FAIM2: variants seen among roughly 807,000 people sequenced by gnomAD.
The protein encoded by FAIM2 is Fas apoptotic inhibitory molecule 2.
Under a neutral mutation model 47.4 loss-of-function variants are expected in FAIM2, and 27 were observed. The observed-to-expected ratio is 0.57, with a 90% CI of 0.42 to 0.78. The LOEUF (loss-of-function observed/expected upper bound fraction) is 0.78. Among genes scored for constraint, FAIM2 ranks in the 30% least tolerant of loss-of-function variants. FAIM2 has a pLI of 0.00. For synonymous variants in FAIM2, 156 were observed against 159.3 expected, an observed-to-expected ratio of 0.98 and a Z score of 0.16; for missense variants, 311 against 389.4, an observed-to-expected ratio of 0.80 and a Z score of 1.69.
chr12:49,889,200 G>T lies in FAIM2; in HGVS notation c.654C>A (p.Phe218Leu). 1 of 1,608,478 alleles carries T rather than the reference G, an allele frequency of 6.2e-7. No individual in the cohort carries two copies. The highest frequency in any genetic ancestry group is 1.3e-5 in the African/African-American group (1 of 74,978). Residue 218 changes from phenylalanine (F) to leucine (L), a missense_variant and splice_region_variant, in exon 10 of 12, where the codon TTC (phenylalanine) becomes TTA (leucine). Physicochemically the swap from Phe to Leu is conservative, Grantham distance 22. Transcript: ENST00000320634. ...GCACGCCCTGGCAGGAGGTGAAGTC[G>T]AACTGTGGGGACAGGATGGGGTTAG... ...SVTVFSFQTK[F>L]DFTSCQGVLF...
chr12:49,882,757 C>A (rs1946835027), intron 11 of FAIM2, among the ~76,000 whole-genome samples: 1 of 152,174 alleles, frequency 6.6e-6, no homozygotes, highest in Non-Finnish European at 1.5e-5. Context: ...CCCTGCCACA[C>A]CTCTTGGGGA....
At chr12:49,886,132 A>C (rs1946859472) in intron 11 of FAIM2, among the ~76,000 whole-genome samples, 1 of 152,198 alleles carries the variant, frequency 6.6e-6, no homozygotes, top group Admixed American at 6.5e-5. Flanking sequence ...TACTGCTTCC[A>C]TTGTCAATAA....
rs1221794317 is a variant in FAIM2, at chr12:49,887,442, G to T, written c.748-3C>A. 4.3e-6 allele frequency: 7 copies of T among 1,610,540 alleles called. No homozygotes were observed. The highest frequency in any genetic ancestry group is 5.1e-6 in the Non-Finnish European group (6 of 1,178,220). ...TAAACTGCATGGAGCCAGGGCACCT[G>T]CGGCAGAGGAAAAATGGGCTTAGGG... On this transcript the variant is annotated splice_region_variant and splice_polypyrimidine_tract_variant and intron_variant, in intron 10 of 11. Transcript: ENST00000320634.
Position 49,870,273 on chromosome 12 carries a change from G to A in FAIM2, c.*231C>T, listed in dbSNP as rs1161752569. The stretch of plus-strand genomic sequence containing the variant: ...CAGCCTTGACCGTCCCAGTTTGGAA[G>A]ATGTAACGGGCGAATGGGGCGGCAC... On this transcript the variant is annotated 3_prime_UTR_variant, in exon 12 of 12. Coordinates refer to ENST00000320634, the MANE Select transcript of FAIM2 (RefSeq NM_012306.4). The A allele has an allele frequency of 4.5e-6, 2 of 444,852 alleles. No individual in the cohort carries two copies. Among genetic ancestry groups the A allele is most frequent in the Non-Finnish European group, 8.1e-6 (2 of 246,968 alleles). The allele number at this position is 444,852 out of a possible 1,614,324, so 27.6% of individuals were successfully genotyped here. A position where few individuals can be genotyped will look rare whatever the true frequency, so the allele number is the denominator to read the frequency against.
intron 11 of FAIM2, among the ~76,000 whole-genome samples, chr12:49,880,724 A>ATGTGTG (rs767319926): frequency 1.3e-4 from 8 of 62,024 alleles, no homozygotes; most frequent in East Asian, 1.0e-3. Flanking sequence ...ATGCGTGTAT[A>ATGTGTG]TGTGTGTGTG....
intron 2 of FAIM2, 45 bp from the exon 3 acceptor site, chr12:49,898,135 T>C: frequency 7.1e-7 from 1 of 1,403,044 alleles, no homozygotes; most frequent in Non-Finnish European, 1.0e-6. Context: ...TCCCCCTACA[T>C]AGAATTACTG....
chr12:49,901,194 T>C lies in FAIM2; in HGVS notation c.147A>G (p.Ala49=). The change falls in exon 2 of 12, where the codon GCA becomes GCG. Residue 49 remains alanine, a synonymous_variant. Transcript: ENST00000320634. ...EEATSGEGMK[A]GAFPPAPTAV... ...CTGTGGGGGCTGGGGGGAAGGCCCC[T>C]GCCTTCATCCCCTCCCCAGAGGTGG... 6.2e-7 allele frequency: 1 copy of C among 1,610,774 alleles called. No individual in the cohort carries two copies. The highest frequency in any genetic ancestry group is 8.5e-7 in the Non-Finnish European group (1 of 1,178,526).
chr12:49,886,603 G>A (rs1419226930), intron 11 of FAIM2, among the ~76,000 whole-genome samples: 1 of 152,120 alleles, frequency 6.6e-6, no homozygotes, highest in Non-Finnish European at 1.5e-5. Flanking sequence ...AGCCTCCGGA[G>A]TAGCTGGAAT....
At chr12:49,891,894 C>A (rs1946902660) in intron 5 of FAIM2, among the ~76,000 whole-genome samples, 1 of 152,126 alleles carries the variant, frequency 6.6e-6, no homozygotes, top group South Asian at 2.1e-4. Context: ...GAGGCAGAGA[C>A]CAGTCCAGGA....
At chr12:49,878,801 T>TGTGCGTCTGTGTATGA (rs1946769707) in intron 11 of FAIM2, among the ~76,000 whole-genome samples, 1 of 37,568 alleles carries the variant, frequency 2.7e-5, no homozygotes, top group Admixed American at 2.8e-4. Context: ...TGTGTGTATA[T>TGTGCGTCTGTGTATGA]GTGTGCATGT....
chr12:49,895,319 C>G (rs1946928515), intron 5 of FAIM2, among the ~76,000 whole-genome samples: 2 of 152,092 alleles, frequency 1.3e-5, no homozygotes, highest in African/African-American at 2.4e-5. Context: ...CTGCACCCTC[C>G]CAATCCCCCC....
At chr12:49,880,465 TGTGC>T (rs1238030510) in intron 11 of FAIM2, among the ~76,000 whole-genome samples, 2 of 150,698 alleles carry the variant, frequency 1.3e-5, no homozygotes, top group Non-Finnish European at 3.0e-5. Context: ...TGTATGTGTG[TGTGC>T]ATGAGTGCAT....
At chr12:49,892,581 T>C (rs1359241909) in intron 5 of FAIM2, among the ~76,000 whole-genome samples, 1 of 152,210 alleles carries the variant, frequency 6.6e-6, no homozygotes, top group Admixed American at 6.5e-5. Flanking sequence ...TCACTATCAT[T>C]GTTTCCCTGG....
In FAIM2 at chr12:49,874,207, G is replaced by C. The variant is rs1190277775; in HGVS notation, c.802-3554C>G. On this transcript the variant is annotated intron_variant, in intron 11 of 11. Coordinates refer to ENST00000320634, the MANE Select transcript of FAIM2 (RefSeq NM_012306.4). The surrounding 1 kb of genome is among the most constrained non-coding windows in gnomAD (Gnocchi z 4.2). ...GAGACTCTGCAGGAGGAGCACATGG[G>C]ATGGGGCAGGAGGCCCCCTGGGACA... Among the ~76,000 whole-genome samples, 1 of 152,192 alleles carries C rather than the reference G, an allele frequency of 6.6e-6. No individual in the cohort carries two copies. The highest frequency in any genetic ancestry group is 2.4e-5 in the African/African-American group (1 of 41,456).
Position 49,901,316 on chromosome 12 carries a change from C to G in FAIM2, c.25G>C (p.Ala9Pro). Residue 9 changes from alanine to proline, a missense_variant, in exon 2 of 12, where the codon GCT (alanine) becomes CCT (proline). By Grantham distance (27) the Ala-to-Pro change is conservative. Coordinates refer to ENST00000320634, the MANE Select transcript of FAIM2 (RefSeq NM_012306.4). The stretch of plus-strand genomic sequence containing the variant: ...CCCTCGGTCCCAGGGGCCTTGTTAG[C>G]CACGGAGAGCTATGGAGTAGAGTCA... MTQGKLSV[A>P]NKAPGTEGQQ... 6.3e-7 allele frequency: 1 copy of G among 1,585,970 alleles called. No individual in the cohort carries two copies. The highest frequency in any genetic ancestry group is 8.6e-7 in the Non-Finnish European group (1 of 1,169,510).
At position 49,870,403 on chromosome 12, in the gene FAIM2, T is replaced by C. The variant is rs1946693448; in HGVS notation, c.*101A>G. 1 of 1,122,706 alleles carries C rather than the reference T, an allele frequency of 8.9e-7. No individual in the cohort carries two copies. The allele number at this position is 1,122,706 out of a possible 1,614,324, so 69.5% of individuals were successfully genotyped here. A position where few individuals can be genotyped will look rare whatever the true frequency, so the allele number is the denominator to read the frequency against. ...GACAGTGACCTGGCCACAGGCTGGG[T>C]TGGCAGCTAGTTTTATATCTGGTCT... On this transcript the variant is annotated 3_prime_UTR_variant, in exon 12 of 12. Transcript: ENST00000320634.
intron 11 of FAIM2, among the ~76,000 whole-genome samples, chr12:49,882,585 C>G (rs1022091794): frequency 2.0e-5 from 3 of 152,196 alleles, no homozygotes; most frequent in African/African-American, 7.2e-5. Flanking sequence ...ATGATCCCGA[C>G]CAGGGCCTTT....
At chr12:49,873,780 C>T (rs762542676) in intron 11 of FAIM2, among the ~76,000 whole-genome samples, 2 of 152,166 alleles carry the variant, frequency 1.3e-5, no homozygotes, top group Non-Finnish European at 2.9e-5. Context: ...CTGGGATGGC[C>T]TGCTTCAAAT....
chr12:49,880,961 G>A (rs1381486909), intron 11 of FAIM2, among the ~76,000 whole-genome samples: 4 of 152,118 alleles, frequency 2.6e-5, no homozygotes, highest in Admixed American at 2.0e-4. Context: ...GCTGCCTCAG[G>A]CTGGTCCCTG....
Sources: allele counts gnomAD v4.1 joint callset (sites outside exome capture counted in the v4.1 genomes callset), GRCh38; gene constraint gnomAD v4.1.1; non-coding constraint Gnocchi (gnomAD v3.1); transcripts MANE v1.5; gene names NCBI Gene and HGNC (gene_info 2026-07-23, HGNC 2026-07-21).